Variants in PPP2R3B observed in about 807,000 individuals in gnomAD.
PPP2R3B encodes the protein serine/threonine-protein phosphatase 2A regulatory subunit B'' subunit beta.
In PPP2R3B, 68 loss-of-function variants were observed where a neutral mutation model predicts 72.9. The observed-to-expected ratio is 0.93, with a 90% CI of 0.77 to 1.14. The LOEUF (loss-of-function observed/expected upper bound fraction) is 1.14. Ranked by LOEUF, PPP2R3B falls within the 50% of genes most tolerant of loss-of-function variation. The pLI, the probability that PPP2R3B is intolerant of heterozygous loss-of-function variation, is 0.00. For missense variants in PPP2R3B, 1,018 were observed against 842.0 expected (o/e 1.21, Z -2.59); for synonymous variants, 466 against 375.8 (o/e 1.24, Z -2.78).
chrX:339,155 G>A (rs2070983154), intron 10 of PPP2R3B, among the ~76,000 whole-genome samples: 2 of 151,874 alleles, frequency 1.3e-5, no homozygotes, highest in African/African-American at 4.8e-5. Flanking sequence ...CTAGCGCAGG[G>A]AGGCGCGGCC....
In PPP2R3B at chrX:334,268, C is replaced by T; in HGVS notation, c.*99G>A. On this transcript the variant is annotated 3_prime_UTR_variant, in exon 13 of 13. Coordinates refer to ENST00000390665, the MANE Select transcript of PPP2R3B (RefSeq NM_013239.5). ...ATAAATAAAAGTTTATCATTCCGTA[C>T]AAACGCACTCATTTTCCACAACAGT... The T allele has an allele frequency of 7.7e-7, 1 of 1,298,040 alleles. No individual in the cohort carries two copies. The highest frequency in any genetic ancestry group is 1.0e-6 in the Non-Finnish European group (1 of 988,688). The allele number at this position is 1,298,040 out of a possible 1,614,324, so 80.4% of individuals were successfully genotyped here. A position where few individuals can be genotyped will look rare whatever the true frequency, so the allele number is the denominator to read the frequency against.
chrX:342,321 C>T (rs2071099413), intron 7 of PPP2R3B: 3 of 271,170 alleles, frequency 1.1e-5, no homozygotes, highest in South Asian at 3.5e-5. Context: ...CAACGGGAGG[C>T]GGGAGTGAGA....
intron 1 of PPP2R3B, among the ~76,000 whole-genome samples, chrX:382,196 CTTTTTTTTTT>C (rs769206203): frequency 3.8e-5 from 5 of 130,074 alleles, no homozygotes; most frequent in East Asian, 2.2e-4. Flanking sequence ...CTTTTTTTTT[CTTTTTTTTTT>C]TTTTTTGAGA....
At chrX:340,649 G>GCCGTCCTCCGTCCCCTCTCC in intron 10 of PPP2R3B, 116 bp downstream of exon 10, 1 of 249,942 alleles carries the variant, frequency 4.0e-6, no homozygotes, top group Non-Finnish European at 6.0e-6. Flanking sequence ...CTCTCCCTGG[G>GCCGTCCTCCGTCCCCTCTCC]CTGTCATCCG....
chrX:360,546 C>A (rs1367833916), intron 2 of PPP2R3B, among the ~76,000 whole-genome samples: 1 of 152,070 alleles, frequency 6.6e-6, no homozygotes, highest in Non-Finnish European at 1.5e-5. Flanking sequence ...ACAAGCAAAC[C>A]CAAAAAACAA....
chrX:338,176 G>A (rs1470584047), intron 12 of PPP2R3B: 3 of 295,964 alleles, frequency 1.0e-5, no homozygotes, highest in South Asian at 5.2e-5. Flanking sequence ...CGCTCCGTGA[G>A]AAAGCAACCA....
At chrX:368,757 G>A (rs753923546) in intron 1 of PPP2R3B, among the ~76,000 whole-genome samples, 1 of 109,190 alleles carries the variant, frequency 9.2e-6, no homozygotes, top group African/African-American at 3.9e-5. Context: ...GGGGAAGGCC[G>A]GGACCACCCA....
chrX:382,730 C>G (rs188211515), intron 1 of PPP2R3B, among the ~76,000 whole-genome samples: 7 of 152,258 alleles, frequency 4.6e-5, no homozygotes, highest in African/African-American at 1.7e-4. Context: ...CAGACCTGAC[C>G]TTCCGTCAAT....
At chrX:346,641 C>CGG (rs1318258817) in intron 5 of PPP2R3B, 60 bp downstream of exon 5, 39 of 1,499,882 alleles carry the variant, frequency 2.6e-5, no homozygotes, top group Non-Finnish European at 3.6e-5. Flanking sequence ...CCCGCGGCGG[C>CGG]CGCTGCAGAA....
chrX:341,647 G>C, intron 8 of PPP2R3B: 2 of 647,164 alleles, frequency 3.1e-6, no homozygotes, highest in East Asian at 2.7e-5. Context: ...CGCCCGACAA[G>C]AACCCCCGAC....
intron 2 of PPP2R3B, among the ~76,000 whole-genome samples, chrX:360,313 C>T (rs2071514671): frequency 6.6e-6 from 1 of 152,194 alleles, no homozygotes; most frequent in Non-Finnish European, 1.5e-5. Context: ...GCAGGCGGAT[C>T]ACTTGAAGTC....
At chrX:352,004 C>T (rs2071341818) in intron 2 of PPP2R3B, among the ~76,000 whole-genome samples, 1 of 152,194 alleles carries the variant, frequency 6.6e-6, no homozygotes, top group Admixed American at 6.5e-5. Flanking sequence ...CAGCTGCACC[C>T]CCGGCGTCTG....
intron 12 of PPP2R3B, chrX:338,381 G>C (rs1386457436): frequency 3.3e-6 from 2 of 609,700 alleles, no homozygotes; most frequent in East Asian, 2.8e-5. Context: ...CCCACGCGGG[G>C]AATGACGGGC....
intron 10 of PPP2R3B, 59 bp from the exon 11 acceptor site, chrX:338,955 G>C: frequency 7.1e-7 from 1 of 1,417,604 alleles, no homozygotes; most frequent in Non-Finnish European, 1.0e-6. Flanking sequence ...CGGGGCCTGG[G>C]TGTGGGGTGC....
At chrX:373,607 CTCCTGGCGCAGGTCGGGG>C (rs771063364) in intron 1 of PPP2R3B, 7 of 297,744 alleles carry the variant, frequency 2.4e-5, no homozygotes, top group Admixed American at 3.3e-5. Context: ...GTGAGGCCAG[CTCCTGGCGCAGGTCGGGG>C]TCCTGGCGCA....
intron 2 of PPP2R3B, among the ~76,000 whole-genome samples, chrX:353,966 C>G (rs1439688393): frequency 3.7e-5 from 5 of 136,226 alleles, no homozygotes; most frequent in African/African-American, 1.6e-4. Context: ...CACCCAAAGA[C>G]CAGGGCTCAC....
intron 7 of PPP2R3B, 66 bp downstream of exon 7, chrX:345,450 G>A (rs779800502): frequency 7.5e-6 from 12 of 1,597,776 alleles, no homozygotes; most frequent in South Asian, 4.4e-5. Context: ...CTGCAGACCC[G>A]CAGGCCCTGA....
chrX:345,035 G>C, intron 7 of PPP2R3B: 2 of 379,680 alleles, frequency 5.3e-6, no homozygotes, highest in Non-Finnish European at 5.2e-6. Context: ...CCGGGAGGCA[G>C]TGGCTGCTGT....
chrX:335,027 C>G (rs968376947), intron 12 of PPP2R3B: 5 of 152,960 alleles, frequency 3.3e-5, no homozygotes, highest in African/African-American at 1.2e-4. Flanking sequence ...TCCGGGGAAC[C>G]CAGCGCGGCC....
Sources: allele counts gnomAD v4.1 joint callset (sites outside exome capture counted in the v4.1 genomes callset), GRCh38; gene constraint gnomAD v4.1.1; transcripts MANE v1.5; gene names NCBI Gene and HGNC (gene_info 2026-07-23, HGNC 2026-07-21).